Variants in GSG1L observed in about 807,000 individuals in gnomAD.
GSG1L encodes the protein GSG1 like.
Under a neutral mutation model 42.1 loss-of-function variants are expected in GSG1L, and 24 were observed. That is an observed-to-expected ratio of 0.57 (90% confidence interval 0.41 to 0.80). The LOEUF is 0.80. GSG1L is among the 30% of genes least tolerant of loss of function. GSG1L has a pLI of 0.00. For missense variants in GSG1L, 445 were observed against 472.2 expected, an observed-to-expected ratio of 0.94 and a Z score of 0.53; for synonymous variants, 215 against 203.5, an observed-to-expected ratio of 1.06 and a Z score of -0.48.
chr16:27,857,784 C>G (rs534587980), intron 3 of GSG1L, among the ~76,000 whole-genome samples: 1 of 152,140 alleles, frequency 6.6e-6, no homozygotes, highest in African/African-American at 2.4e-5. Flanking sequence ...CTCTCTCTCC[C>G]TACCCCCTCT....
intron 1 of GSG1L, among the ~76,000 whole-genome samples, chr16:28,007,190 G>C (rs2085650689): frequency 6.6e-6 from 1 of 152,184 alleles, no homozygotes; most frequent in Non-Finnish European, 1.5e-5. Flanking sequence ...GAGAGCTGGG[G>C]AGATTAGCCA....
intron 2 of GSG1L, among the ~76,000 whole-genome samples, chr16:27,962,479 G>T (rs2085081883): frequency 6.6e-6 from 1 of 152,238 alleles, no homozygotes; most frequent in Non-Finnish European, 1.5e-5. Context: ...TGAGGACTTT[G>T]TGGAGCAGAG....
intron 2 of GSG1L, among the ~76,000 whole-genome samples, chr16:27,930,163 T>C (rs958494094): frequency 2.0e-5 from 3 of 151,934 alleles, no homozygotes; most frequent in Non-Finnish European, 4.4e-5. Flanking sequence ...TAGCAGCCGA[T>C]TGACTTAGGG....
intron 2 of GSG1L, among the ~76,000 whole-genome samples, chr16:27,913,367 C>A (rs1316565132): frequency 6.6e-6 from 1 of 152,094 alleles, no homozygotes; most frequent in Non-Finnish European, 1.5e-5. Flanking sequence ...GGGCAAGGGA[C>A]CTAGGAATCC....
At chr16:27,963,119 A>G (rs754745567) in intron 2 of GSG1L, 37 bp downstream of exon 2, 1 of 1,581,118 alleles carries the variant, frequency 6.3e-7, no homozygotes, top group South Asian at 1.1e-5. Context: ...CCCCAGAGAG[A>G]GCAGAGCTGC....
intron 1 of GSG1L, among the ~76,000 whole-genome samples, chr16:27,973,685 C>A (rs1008143616): frequency 3.3e-5 from 5 of 152,110 alleles, no homozygotes; most frequent in Non-Finnish European, 5.9e-5. Context: ...CTCCATCACT[C>A]ACTGCACGTG....
At chr16:27,911,286 T>TCTCTCTCTCCTCTCC (rs2084387418) in intron 2 of GSG1L, among the ~76,000 whole-genome samples, 1 of 150,722 alleles carries the variant, frequency 6.6e-6, no homozygotes, top group African/African-American at 2.5e-5. Flanking sequence ...TCTCTCTCTC[T>TCTCTCTCTCCTCTCC]CTCTCTCTCC....
chr16:28,027,307 G>T, intron 1 of GSG1L, among the ~76,000 whole-genome samples: 1 of 152,156 alleles, frequency 6.6e-6, no homozygotes, highest in East Asian at 1.9e-4. Context: ...ATTGGTTCAG[G>T]AATAGACATG....
At chr16:27,848,990 G>A (rs1435725364) in intron 3 of GSG1L, among the ~76,000 whole-genome samples, 2 of 152,070 alleles carry the variant, frequency 1.3e-5, no homozygotes, top group Non-Finnish European at 2.9e-5. Context: ...GAGGTCAGGG[G>A]TTCGAAACCA....
chr16:27,791,188 C>T lies in GSG1L; in HGVS notation c.*182G>A. The stretch of plus-strand genomic sequence containing the variant: ...GTGCATTCCCTTGGGCCTGCCCTGG[C>T]CCCATTTCCAAGGCCATGGGACCCA... On this transcript the variant is annotated 3_prime_UTR_variant, in exon 7 of 7. Transcript: ENST00000447459. The T allele has an allele frequency of 2.4e-6, 1 of 408,556 alleles. No individual in the cohort carries two copies. The highest frequency in any genetic ancestry group is 4.3e-6 in the Non-Finnish European group (1 of 231,970). 25.3% of individuals were successfully genotyped at this position (408,556 alleles called of 1,614,324 possible). A position where few individuals can be genotyped will look rare whatever the true frequency, so the allele number is the denominator to read the frequency against.
intron 2 of GSG1L, among the ~76,000 whole-genome samples, chr16:27,906,611 C>T (rs2084323911): frequency 6.6e-6 from 1 of 152,184 alleles, no homozygotes; most frequent in Non-Finnish European, 1.5e-5. Flanking sequence ...CTTATTCTCA[C>T]AGGGCTGGTT....
At chr16:27,869,705 T>TCTC (rs2083783488) in intron 3 of GSG1L, among the ~76,000 whole-genome samples, 4 of 75,716 alleles carry the variant, frequency 5.3e-5, no homozygotes, top group Admixed American at 1.3e-4. Context: ...CTCCCTCCAT[T>TCTC]TCTCTCTCCT....
At chr16:27,898,873 C>A (rs1415797637) in intron 2 of GSG1L, among the ~76,000 whole-genome samples, 1 of 152,202 alleles carries the variant, frequency 6.6e-6, no homozygotes, top group Non-Finnish European at 1.5e-5. Context: ...GGGCCATATT[C>A]CCACATGGAA....
intron 2 of GSG1L, among the ~76,000 whole-genome samples, chr16:27,950,358 G>A (rs1649005197): frequency 6.6e-6 from 1 of 152,038 alleles, no homozygotes; most frequent in South Asian, 2.1e-4. Flanking sequence ...CTAATTACCT[G>A]GAAAGATAAT....
intron 2 of GSG1L, among the ~76,000 whole-genome samples, chr16:27,897,235 G>C (rs546010055): frequency 1.3e-5 from 2 of 152,280 alleles, no homozygotes; most frequent in South Asian, 4.1e-4. Context: ...ATTGTTTCAA[G>C]GCACTAAATT....
At chr16:27,948,640 C>T (rs1406739291) in intron 2 of GSG1L, among the ~76,000 whole-genome samples, 3 of 141,666 alleles carry the variant, frequency 2.1e-5, no homozygotes, top group African/African-American at 5.2e-5. Flanking sequence ...GATGGAGTCT[C>T]GCTCTGTTGC....
At chr16:27,850,387 G>A (rs2083496673) in intron 3 of GSG1L, 2 of 393,336 alleles carry the variant, frequency 5.1e-6, no homozygotes, top group Middle Eastern at 8.1e-4. Context: ...GGCCAGTTCT[G>A]CGATTCAAGG....
chr16:27,906,080 G>T (rs1424238969), intron 2 of GSG1L, among the ~76,000 whole-genome samples: 1 of 152,102 alleles, frequency 6.6e-6, no homozygotes, highest in East Asian at 1.9e-4. Context: ...GGGCCTTTGA[G>T]ATCACAGCTT....
chr16:28,002,177 A>G (rs1311238807), intron 1 of GSG1L, among the ~76,000 whole-genome samples: 3 of 152,202 alleles, frequency 2.0e-5, no homozygotes, highest in Admixed American at 2.0e-4. Flanking sequence ...TAAACAACAG[A>G]TGGTGATATG....
Sources: allele counts gnomAD v4.1 joint callset (sites outside exome capture counted in the v4.1 genomes callset), GRCh38; gene constraint gnomAD v4.1.1; transcripts MANE v1.5; gene names NCBI Gene and HGNC (gene_info 2026-07-23, HGNC 2026-07-21).